The following KCNH7 variants were observed in gnomAD, a reference collection of about 807,000 sequenced individuals.
KCNH7 encodes voltage-gated inwardly rectifying potassium channel KCNH7.
KCNH7 carries 49 observed loss-of-function variants against 120.8 expected under a neutral mutation model. The observed-to-expected ratio is 0.41, with a 90% CI of 0.32 to 0.51. The LOEUF is 0.51. Among genes scored for constraint, KCNH7 ranks in the 20% least tolerant of loss-of-function variants. The pLI is 0.38. For synonymous variants in KCNH7, 547 were observed against 516.1 expected (o/e 1.06, Z -0.81); for missense variants, 1,097 against 1,446.6 (o/e 0.76, Z 3.92).
rs202008068 is a variant in KCNH7, at chr2:162,435,165, T to C, written c.1954+33A>G. 3 of 1,565,214 alleles carry C rather than the reference T, an allele frequency of 1.9e-6. No individual in the cohort carries two copies. In the East Asian group the frequency reaches 6.7e-5, roughly 35 times the overall value. On this transcript the variant is annotated intron_variant, in intron 8 of 15. Transcript: ENST00000332142. ...ATATTAATTTCAAGGTATTATTCTA[T>C]CCTAATAGACAACAGAAGAGAAAGC...
intron 2 of KCNH7, among the ~76,000 whole-genome samples, chr2:162,581,206 G>T (rs780495080): frequency 2.0e-5 from 3 of 152,052 alleles, no homozygotes; most frequent in Non-Finnish European, 2.9e-5. Flanking sequence ...AATAGTGGTT[G>T]CTTTCTTTAT....
chr2:162,600,954 G>A (rs901584793), intron 2 of KCNH7, among the ~76,000 whole-genome samples: 3 of 152,054 alleles, frequency 2.0e-5, no homozygotes. Context: ...CTCCCATGGG[G>A]AGAAAAGAAC....
At chr2:162,773,286 G>A (rs78429088) in intron 2 of KCNH7, among the ~76,000 whole-genome samples, 24 of 152,182 alleles carry the variant, frequency 1.6e-4, no homozygotes, top group South Asian at 6.2e-4. Flanking sequence ...CCAAGAGTTC[G>A]AGACCAGCCT....
At chr2:162,558,768 CTATTAT>C (rs985692483) in intron 2 of KCNH7, among the ~76,000 whole-genome samples, 1 of 151,540 alleles carries the variant, frequency 6.6e-6, no homozygotes, top group African/African-American at 2.4e-5. Context: ...GGCATTATTA[CTATTAT>C]TATTACATTA....
intron 2 of KCNH7, among the ~76,000 whole-genome samples, chr2:162,820,534 A>T (rs1209919830): frequency 6.6e-6 from 1 of 152,130 alleles, no homozygotes; most frequent in African/African-American, 2.4e-5. Flanking sequence ...TGACCTCAAC[A>T]TTCAAGGGTA....
At chr2:162,564,866 G>T (rs1278265547) in intron 2 of KCNH7, among the ~76,000 whole-genome samples, 2 of 152,024 alleles carry the variant, frequency 1.3e-5, no homozygotes, top group African/African-American at 4.8e-5. Context: ...CATGAACTTG[G>T]AAAATCATAA....
chr2:162,828,048 A>G (rs1026706446), intron 2 of KCNH7, among the ~76,000 whole-genome samples: 1 of 152,172 alleles, frequency 6.6e-6, no homozygotes, highest in African/African-American at 2.4e-5. Context: ...TAAAGATCAA[A>G]TGATTACTAT....
At chr2:162,547,066 T>TA (rs1275822472) in intron 2 of KCNH7, among the ~76,000 whole-genome samples, 1 of 152,094 alleles carries the variant, frequency 6.6e-6, no homozygotes, top group Non-Finnish European at 1.5e-5. Context: ...TCAGGAAACT[T>TA]ACAATCTTGG....
At chr2:162,502,691 C>T (rs548363783) in intron 6 of KCNH7, among the ~76,000 whole-genome samples, 6 of 152,094 alleles carry the variant, frequency 3.9e-5, no homozygotes, top group African/African-American at 1.4e-4. Flanking sequence ...TATTACCATG[C>T]ATTTCATTAT....
At position 162,502,942 on chromosome 2, in the gene KCNH7, T is replaced by G. The variant is rs143981718; in HGVS notation, c.1128+1501A>C. The stretch of plus-strand genomic sequence containing the variant: ...AAAAGAGTTCAAGGCATTTTTTCAT[T>G]TGTCAACTTTAAGAAATAAAGAGGT... On this transcript the variant is annotated intron_variant, in intron 6 of 15. Transcript: ENST00000332142. Among the ~76,000 whole-genome samples the G allele has an allele frequency of 4.0e-4, 61 of 152,218 alleles. 1 individual carries two copies. Among genetic ancestry groups the G allele is most frequent in the African/African-American group, 1.4e-3 (58 of 41,552 alleles).
chr2:162,707,907 G>A (rs1214415031), intron 2 of KCNH7, among the ~76,000 whole-genome samples: 1 of 151,930 alleles, frequency 6.6e-6, no homozygotes, highest in African/African-American at 2.4e-5. Context: ...CATGAAGTCT[G>A]CTTCCTCATT....
intron 2 of KCNH7, among the ~76,000 whole-genome samples, chr2:162,818,890 A>T (rs1321710609): frequency 6.6e-6 from 1 of 152,196 alleles, no homozygotes; most frequent in Non-Finnish European, 1.5e-5. Context: ...GCAAACCAGC[A>T]TCAAGTGCTT....
intron 2 of KCNH7, among the ~76,000 whole-genome samples, chr2:162,565,663 A>G (rs1693226961): frequency 6.6e-6 from 1 of 152,084 alleles, no homozygotes; most frequent in Admixed American, 6.6e-5. Flanking sequence ...ATACAAGGAC[A>G]TTGTGAGTCT....
chr2:162,522,265 A>T (rs148003567), intron 3 of KCNH7, among the ~76,000 whole-genome samples: 1 of 152,042 alleles, frequency 6.6e-6, no homozygotes, highest in Non-Finnish European at 1.5e-5. Flanking sequence ...ATGCATTGAA[A>T]GTCAATGACT....
intron 2 of KCNH7, among the ~76,000 whole-genome samples, chr2:162,715,558 G>A (rs974853438): frequency 1.3e-5 from 2 of 152,156 alleles, no homozygotes; most frequent in African/African-American, 4.8e-5. Context: ...TAGCTTCTTT[G>A]AACAAGATGT....
At chr2:162,545,942 C>T (rs1261329803) in intron 2 of KCNH7, among the ~76,000 whole-genome samples, 1 of 152,140 alleles carries the variant, frequency 6.6e-6, no homozygotes, top group Non-Finnish European at 1.5e-5. Context: ...TCTCTCTTAA[C>T]ATTTATCCTC....
intron 2 of KCNH7, among the ~76,000 whole-genome samples, chr2:162,619,987 G>C (rs1683287844): frequency 6.6e-6 from 1 of 151,726 alleles, no homozygotes; most frequent in Admixed American, 6.6e-5. Flanking sequence ...GAAGAGCTAA[G>C]TCCAACATAC....
intron 6 of KCNH7, among the ~76,000 whole-genome samples, chr2:162,446,725 C>T (rs996965381): frequency 6.6e-6 from 1 of 151,812 alleles, no homozygotes; most frequent in Non-Finnish European, 1.5e-5. Context: ...GTTACTGTTT[C>T]CTTTGGAACG....
chr2:162,539,502 A>G (rs1347383474), intron 2 of KCNH7, among the ~76,000 whole-genome samples: 1 of 152,084 alleles, frequency 6.6e-6, no homozygotes, highest in Non-Finnish European at 1.5e-5. Flanking sequence ...GCTTTTGGTA[A>G]TAAGGGGCAA....
Sources: gnomAD v4.1 joint callset for allele counts (sites outside exome capture counted in the v4.1 genomes callset) on GRCh38, gnomAD v4.1.1 for gene constraint, MANE v1.5 for transcripts, NCBI Gene and HGNC (gene_info 2026-07-23, HGNC 2026-07-21) for gene names.